Variants in B3GNT3 observed in about 807,000 individuals in gnomAD.
The protein encoded by B3GNT3 is N-acetyllactosaminide beta-1,3-N-acetylglucosaminyltransferase 3.
In B3GNT3, 7 loss-of-function variants were observed where a neutral mutation model predicts 11.6. That is an observed-to-expected ratio of 0.60 (90% CI 0.34 to 1.13). B3GNT3 has a LOEUF of 1.13. B3GNT3 is among the 50% of genes most tolerant of loss of function. B3GNT3 has a pLI of 0.03. For synonymous variants in B3GNT3, 201 were observed against 222.1 expected (o/e 0.90, Z 0.85); for missense variants, 400 against 507.4 (o/e 0.79, Z 2.03).
chr19:17,796,802 G>A (rs1420992504), intron 1 of B3GNT3, among the ~76,000 whole-genome samples: 1 of 152,162 alleles, frequency 6.6e-6, no homozygotes, highest in Non-Finnish European at 1.5e-5. Flanking sequence ...ATCCAGACAA[G>A]CCAGGTCAGC....
At position 17,807,872 on chromosome 19, in the gene B3GNT3, T is replaced by C. The variant is rs775442370; in HGVS notation, c.65T>C (p.Leu22Pro). ...ATTCTGGCCATCGGCGCTTTCACCC[T>C]CCTCCTCTTCAGTCTGCTAGTGTCA... is the stretch of plus-strand genomic sequence containing the variant. ...TLILAIGAFT[L>P]LLFSLLVSPP... Residue 22 changes from leucine (L) to proline (P), a missense_variant, in exon 2 of 3, where the codon CTC (leucine) becomes CCC (proline). Coordinates refer to ENST00000318683, the MANE Select transcript of B3GNT3 (RefSeq NM_014256.4). The C allele has an allele frequency of 6.2e-7, 1 of 1,612,886 alleles. No homozygotes were observed. Among genetic ancestry groups the C allele is most frequent in the Non-Finnish European group, 8.5e-7 (1 of 1,179,878 alleles).
chr19:17,809,395 G>A (rs971366990), intron 2 of B3GNT3, among the ~76,000 whole-genome samples: 6 of 151,866 alleles, frequency 4.0e-5, no homozygotes, highest in East Asian at 3.9e-4. Context: ...GCCACATAGC[G>A]AGACCTCATC....
intron 2 of B3GNT3, among the ~76,000 whole-genome samples, chr19:17,809,538 C>G (rs2094177960): frequency 6.6e-6 from 1 of 151,842 alleles, no homozygotes; most frequent in Admixed American, 6.6e-5. Flanking sequence ...CCTCCACCTC[C>G]CAGGTTCAAG....
At chr19:17,798,841 A>C (rs1399209403) in intron 1 of B3GNT3, among the ~76,000 whole-genome samples, 1 of 152,024 alleles carries the variant, frequency 6.6e-6, no homozygotes, top group Non-Finnish European at 1.5e-5. Flanking sequence ...GTGGTGATGC[A>C]TGCCTGTGGT....
Position 17,807,990 on chromosome 19 carries a change from C to T in B3GNT3, c.183C>T (p.Cys61=). 9.9e-7 allele frequency: 1 copy of T among 1,006,228 alleles called. No homozygotes were observed. The allele number at this position is 1,006,228 out of a possible 1,614,324, so 62.3% of individuals were successfully genotyped here. The change falls in exon 2 of 3, where the codon TGC becomes TGT. Residue 61 remains cysteine, a synonymous_variant. Transcript: ENST00000318683. ...CCACCCGCCCAGCCCCGGCCCCGTG[C>T]CATGCCAACACCTCTATGGTCACCC... ...TPPTRPAPAP[C]HANTSMVTHP...
chr19:17,803,177 T>G (rs774840777), intron 1 of B3GNT3, among the ~76,000 whole-genome samples: 77 of 152,242 alleles, frequency 5.1e-4, no homozygotes, highest in Admixed American at 1.9e-3. Flanking sequence ...GGCTAATTTT[T>G]GTATTTTTAG....
intron 1 of B3GNT3, among the ~76,000 whole-genome samples, chr19:17,800,857 C>T (rs1028458733): frequency 2.6e-5 from 4 of 151,954 alleles, no homozygotes; most frequent in Non-Finnish European, 5.9e-5. Flanking sequence ...ATCCCTGCTA[C>T]TCAGGAGGCT....
intron 2 of B3GNT3, among the ~76,000 whole-genome samples, chr19:17,809,801 C>T (rs1205907807): frequency 6.6e-6 from 1 of 151,996 alleles, no homozygotes; most frequent in Non-Finnish European, 1.5e-5. Flanking sequence ...AAATCCTGCC[C>T]ATCTGCAGAT....
chr19:17,807,673 A>G (rs559069968), intron 1 of B3GNT3, 85 bp from the exon 2 acceptor site: 49 of 826,852 alleles, frequency 5.9e-5, no homozygotes, highest in Admixed American at 1.5e-4. Flanking sequence ...AACCTGAGCA[A>G]CTGTACAGGT....
chr19:17,804,395 A>G (rs112992521), intron 1 of B3GNT3, among the ~76,000 whole-genome samples: 3 of 147,520 alleles, frequency 2.0e-5, no homozygotes, highest in African/African-American at 7.5e-5. Flanking sequence ...ACGCACCACC[A>G]CACCCGGGTA....
chr19:17,808,481 C>G lies in B3GNT3; in HGVS notation c.567+107C>G, dbSNP rs1434696704. 2.5e-6 allele frequency: 3 copies of G among 1,187,376 alleles called. No individual in the cohort carries two copies. The Admixed American group carries it at 8.4e-5, about 33-fold the overall frequency. 73.6% of individuals were successfully genotyped at this position (1,187,376 alleles called of 1,614,324 possible). ...ACCAGAAGTCCTCGTCAGTCCATCA[C>G]AGCCCATTCTGCCCCTCTGCTGTCC... On this transcript the variant is annotated intron_variant, in intron 2 of 2. Transcript: ENST00000318683.
At chr19:17,809,227 TA>T (rs2094177606) in intron 2 of B3GNT3, among the ~76,000 whole-genome samples, 1 of 152,030 alleles carries the variant, frequency 6.6e-6, no homozygotes, top group African/African-American at 2.4e-5. Flanking sequence ...ATGCCTAGAA[TA>T]GATTCAGGTG....
rs1326622907 is a variant in B3GNT3, at chr19:17,808,389, G to A, written c.567+15G>A. The A allele has an allele frequency of 1.9e-6, 3 of 1,585,398 alleles. No individual in the cohort carries two copies. In the African/African-American group the frequency reaches 4.0e-5, roughly 21 times the overall value. ...CGCTCAAGCAGGTGCGCTGGACTGG[G>A]GTCACCTGATCGGGGCCACCTGTCC... On this transcript the variant is annotated intron_variant, in intron 2 of 2. Coordinates refer to ENST00000318683, the MANE Select transcript of B3GNT3 (RefSeq NM_014256.4).
intron 2 of B3GNT3, among the ~76,000 whole-genome samples, chr19:17,810,568 T>C (rs547138410): frequency 6.6e-6 from 1 of 151,856 alleles, no homozygotes; most frequent in Admixed American, 6.6e-5. Flanking sequence ...GTCCAGTGTT[T>C]GGTGGGAGAG....
At chr19:17,801,980 C>T (rs976947697) in intron 1 of B3GNT3, among the ~76,000 whole-genome samples, 9 of 152,006 alleles carry the variant, frequency 5.9e-5, no homozygotes, top group African/African-American at 2.2e-4. Flanking sequence ...CCCAGCTATT[C>T]AGGAGGCTGA....
intron 1 of B3GNT3, among the ~76,000 whole-genome samples, chr19:17,804,533 CTTT>C (rs67513010): frequency 7.0e-5 from 4 of 57,016 alleles, no homozygotes; most frequent in African/African-American, 2.5e-4. Context: ...CCGTGCCCAG[CTTT>C]TTTTTTTTTT....
At chr19:17,797,355 A>G (rs1281623712) in intron 1 of B3GNT3, among the ~76,000 whole-genome samples, 1 of 152,206 alleles carries the variant, frequency 6.6e-6, no homozygotes, top group Non-Finnish European at 1.5e-5. Context: ...GTGGGGGTCC[A>G]GGAAGTCCCC....
At chr19:17,805,355 T>G (rs1382556733) in intron 1 of B3GNT3, among the ~76,000 whole-genome samples, 1 of 152,048 alleles carries the variant, frequency 6.6e-6, no homozygotes, top group African/African-American at 2.4e-5. Flanking sequence ...TACCTCAGCC[T>G]CCCAGAGTGC....
rs777983261 is a variant in B3GNT3, at chr19:17,811,592, G to A, written c.589G>A (p.Glu197Lys). Residue 197 changes from glutamate to lysine, a missense_variant, in exon 3 of 3, where the codon GAG (glutamate) becomes AAG (lysine). Physicochemically the swap from Glu to Lys is moderately conservative, Grantham distance 56. Coordinates refer to ENST00000318683, the MANE Select transcript of B3GNT3 (RefSeq NM_014256.4). This position sits in a 1 kb window ranked among gnomAD's most constrained non-coding sequence, Gnocchi z 4.1. ...LKQVLFLQWQETRCANASFVL... is the reference protein window; with the variant it reads ...LKQVLFLQWQKTRCANASFVL... ...GCAGGTCCTGTTCTTACAGTGGCAGGAGACAAGGTGCGCCAACGCCAGCTT... is the reference window on the plus strand; with the variant it reads ...GCAGGTCCTGTTCTTACAGTGGCAGAAGACAAGGTGCGCCAACGCCAGCTT... 6.8e-6 allele frequency: 11 copies of A among 1,612,714 alleles called. No individual in the cohort carries two copies. Among genetic ancestry groups the A allele is most frequent in the Non-Finnish European group, 7.6e-6 (9 of 1,179,012 alleles).
Sources: allele counts gnomAD v4.1 joint callset (sites outside exome capture counted in the v4.1 genomes callset), GRCh38; gene constraint gnomAD v4.1.1; non-coding constraint Gnocchi (gnomAD v3.1); transcripts MANE v1.5; gene names NCBI Gene and HGNC (gene_info 2026-07-23, HGNC 2026-07-21).